Variants in BAHD1 observed in about 807,000 individuals in gnomAD.
The protein encoded by BAHD1 is bromo adjacent homology domain containing 1, also known as bromo adjacent homology domain-containing 1 protein.
A neutral mutation model predicts 63.1 loss-of-function variants in BAHD1; 20 were observed. The ratio of observed to expected loss-of-function variants is 0.32; its 90% CI spans 0.22 to 0.46. The LOEUF (loss-of-function observed/expected upper bound fraction) is 0.46. Among genes scored for constraint, BAHD1 ranks in the 20% least tolerant of loss-of-function variants. BAHD1 has a pLI of 1.00. For synonymous variants in BAHD1, 408 were observed against 426.8 expected (o/e 0.96, Z 0.54); for missense variants, 939 against 1,071.8 (o/e 0.88, Z 1.73).
In BAHD1 at chr15:40,449,582, T is replaced by G. The variant is rs540015707; in HGVS notation, c.-15+8314T>G. On this transcript the variant is annotated intron_variant, in intron 1 of 6. Coordinates refer to ENST00000416165, the MANE Select transcript of BAHD1 (RefSeq NM_014952.5). ...TGGGATGCTGAAATGGGAGGATCAC[T>G]TGAGGCTAGGACTTTGAGACCAGCC... Among the ~76,000 whole-genome samples, 6 of 151,966 alleles carry G rather than the reference T, an allele frequency of 3.9e-5. No homozygotes were observed. The East Asian group carries it at 1.2e-3, about 29-fold the overall frequency.
chr15:40,440,164 C>T (rs1193703139), upstream of BAHD1, among the ~76,000 whole-genome samples: 1 of 152,174 alleles, frequency 6.6e-6, no homozygotes, highest in East Asian at 1.9e-4. Context: ...GGGCTCCACA[C>T]TCTGCTTCTG....
chr15:40,466,245 G>T lies in BAHD1; in HGVS notation c.*115G>T. 1.9e-6 allele frequency: 2 copies of T among 1,025,832 alleles called. No homozygotes were observed. Among genetic ancestry groups the T allele is most frequent in the Non-Finnish European group, 2.7e-6 (2 of 730,746 alleles). The allele number at this position is 1,025,832 out of a possible 1,614,324, so 63.5% of individuals were successfully genotyped here. A position where few individuals can be genotyped will look rare whatever the true frequency, so the allele number is the denominator to read the frequency against. The stretch of plus-strand genomic sequence containing the variant: ...CACAGAGGCCTAAGTTTGCTGGCCT[G>T]TGGTTTTCTTGGGGGGGAGGGCAGG... On this transcript the variant is annotated 3_prime_UTR_variant, in exon 7 of 7. Coordinates refer to ENST00000416165, the MANE Select transcript of BAHD1 (RefSeq NM_014952.5).
Position 40,459,419 on chromosome 15 carries a change from G to C in BAHD1, c.955G>C (p.Gly319Arg). The C allele has an allele frequency of 6.2e-7, 1 of 1,613,318 alleles. No homozygotes were observed. The highest frequency in any genetic ancestry group is 8.5e-7 in the Non-Finnish European group (1 of 1,179,918). Residue 319 changes from glycine to arginine, a missense_variant, in exon 2 of 7, where the codon GGT (glycine) becomes CGT (arginine). By Grantham distance (125) the Gly-to-Arg change is moderately radical. Coordinates refer to ENST00000416165, the MANE Select transcript of BAHD1 (RefSeq NM_014952.5). ...GLRPHLPLLM[G>R]GQAALKPEPG... is the part of the protein sequence containing the mutation. ...GCGCCCTCACCTGCCCCTGCTGATG[G>C]GTGGACAGGCGGCTCTGAAGCCGGA...
At chr15:40,449,686 GTAGTCCCAAC>G (rs1893646859) in intron 1 of BAHD1, among the ~76,000 whole-genome samples, 1 of 151,982 alleles carries the variant, frequency 6.6e-6, no homozygotes, top group Middle Eastern at 3.2e-3. Flanking sequence ...GTGTAGGCCT[GTAGTCCCAAC>G]TACTCGGGAG....
intron 6 of BAHD1, among the ~76,000 whole-genome samples, chr15:40,465,703 T>G (rs1234459402): frequency 6.6e-6 from 1 of 152,202 alleles, no homozygotes. Context: ...GGAAAAAATT[T>G]AGGCGAATTG....
intron 6 of BAHD1, 81 bp from the exon 7 acceptor site, chr15:40,465,855 TGGGTC>T (rs1894184076): frequency 2.2e-6 from 3 of 1,393,248 alleles, no homozygotes; most frequent in Non-Finnish European, 2.9e-6. Flanking sequence ...CCTAGCTCTC[TGGGTC>T]GGGTAGGGTA....
chr15:40,462,020 C>T lies in BAHD1; in HGVS notation c.1541C>T (p.Ala514Val), dbSNP rs1244732303. ...TGCCCTGTACCCAGTGTGCCACCTGCAGCAGAGCCCGTCCCCCATCTTCAG... is the reference window on the plus strand; with the variant it reads ...TGCCCTGTACCCAGTGTGCCACCTGTAGCAGAGCCCGTCCCCCATCTTCAG... The part of the protein sequence containing the change: ...LGCPVPSVPP[A>V]AEPVPHLQTP... The change falls in exon 3 of 7, where the codon GCA becomes GTA. Residue 514 changes from alanine to valine, a missense_variant. By Grantham distance (64) the Ala-to-Val change is moderately conservative. Coordinates refer to ENST00000416165, the MANE Select transcript of BAHD1 (RefSeq NM_014952.5). The T allele has an allele frequency of 1.2e-6, 2 of 1,613,926 alleles. No individual in the cohort carries two copies. The highest frequency in any genetic ancestry group is 8.5e-7 in the Non-Finnish European group (1 of 1,180,026).
At chr15:40,464,835 G>GCAAC (rs1894154130) in intron 5 of BAHD1, 5 of 485,734 alleles carry the variant, frequency 1.0e-5, no homozygotes, top group Admixed American at 3.4e-5. Context: ...TGTTCCCCTG[G>GCAAC]AAACAGGAAA....
chr15:40,445,256 TAA>T (rs397937880), intron 1 of BAHD1, among the ~76,000 whole-genome samples: 26 of 113,690 alleles, frequency 2.3e-4, no homozygotes, highest in Admixed American at 3.7e-4. Context: ...TCCTTTTGGG[TAA>T]AAAAAAAAAA....
chr15:40,451,707 G>T (rs918136105), intron 1 of BAHD1, among the ~76,000 whole-genome samples: 7 of 152,240 alleles, frequency 4.6e-5, no homozygotes, highest in Admixed American at 4.6e-4. Flanking sequence ...CTGTGGGGGG[G>T]CCAGCAAATG....
At position 40,465,440 on chromosome 15, in the gene BAHD1, G is replaced by A; in HGVS notation, c.2153+5G>A. The A allele has an allele frequency of 6.2e-7, 1 of 1,610,166 alleles. No homozygotes were observed. The highest frequency in any genetic ancestry group is 8.5e-7 in the Non-Finnish European group (1 of 1,176,392). On this transcript the variant is annotated splice_donor_5th_base_variant and intron_variant, in intron 6 of 6. Transcript: ENST00000416165. ...GACTTTTGCCGAGTACTGCAGGTAG[G>A]TGGTTCCCTGCACCCTCTGGCTGGC...
intron 5 of BAHD1, 32 bp downstream of exon 5, chr15:40,464,579 C>A: frequency 6.3e-7 from 1 of 1,575,906 alleles, no homozygotes; most frequent in South Asian, 1.1e-5. Flanking sequence ...TCAGGGAGGG[C>A]AGGAGAGACA....
chr15:40,455,900 C>T (rs1473509328), intron 1 of BAHD1, among the ~76,000 whole-genome samples: 2 of 152,222 alleles, frequency 1.3e-5, no homozygotes, highest in Admixed American at 6.5e-5. Context: ...TTGCATGCTC[C>T]TCCACCTCCA....
At position 40,459,451 on chromosome 15, in the gene BAHD1, G is replaced by C. The variant is rs367796065; in HGVS notation, c.987G>C (p.Gly329=). Residue 329 remains glycine (G), a synonymous_variant, in exon 2 of 7, where the codon GGG becomes GGC. Coordinates refer to ENST00000416165, the MANE Select transcript of BAHD1 (RefSeq NM_014952.5). ...GGQAALKPEP[G]RPGEESPAPK... Reference sequence around the variant, plus strand: ...AGGCGGCTCTGAAGCCGGAGCCTGGGCGCCCAGGCGAGGAGTCACCTGCCC... The same window carrying C: ...AGGCGGCTCTGAAGCCGGAGCCTGGCCGCCCAGGCGAGGAGTCACCTGCCC... 4.3e-6 allele frequency: 7 copies of C among 1,613,488 alleles called. No homozygotes were observed. The African/African-American group carries it at 9.3e-5, about 22-fold the overall frequency.
chr15:40,464,332 C>G (rs986586922), intron 4 of BAHD1, 139 bp from the exon 5 acceptor site: 22 of 746,908 alleles, frequency 2.9e-5, no homozygotes, highest in Non-Finnish European at 4.5e-5. Flanking sequence ...GAATGCTTGG[C>G]CTGGGGCAGG....
Position 40,462,049 on chromosome 15 carries a change from C to T in BAHD1, c.1570C>T (p.Pro524Ser). The T allele has an allele frequency of 6.2e-7, 1 of 1,613,848 alleles. No homozygotes were observed. The highest frequency in any genetic ancestry group is 8.5e-7 in the Non-Finnish European group (1 of 1,180,036). The stretch of plus-strand genomic sequence containing the variant: ...AGAGCCCGTCCCCCATCTTCAGACA[C>T]CCACCTCGGAGCCCCAGACAGTAGC... ...AAEPVPHLQT[P>S]TSEPQTVARA... Residue 524 changes from proline (P) to serine (S), a missense_variant, in exon 3 of 7, where the codon CCC (proline) becomes TCC (serine). By Grantham distance (74) the Pro-to-Ser change is moderately conservative. Around this residue, in one of 5 missense-constraint regions of BAHD1, gnomAD observed 797 missense variants for 813.3 expected, o/e 0.98. Transcript: ENST00000416165.
At chr15:40,452,413 C>T (rs1002125482) in intron 1 of BAHD1, among the ~76,000 whole-genome samples, 2 of 152,242 alleles carry the variant, frequency 1.3e-5, no homozygotes, top group Non-Finnish European at 2.9e-5. Context: ...TCTGACCTCA[C>T]GTTGTGGGTC....
chr15:40,449,538 G>A (rs1893642934), intron 1 of BAHD1, among the ~76,000 whole-genome samples: 1 of 152,142 alleles, frequency 6.6e-6, no homozygotes, highest in Non-Finnish European at 1.5e-5. Flanking sequence ...GGTGACTCAT[G>A]CCTGTAATCC....
intron 4 of BAHD1, 182 bp from the exon 5 acceptor site, chr15:40,464,289 C>T: frequency 1.5e-6 from 1 of 656,604 alleles, no homozygotes; most frequent in Non-Finnish European, 2.6e-6. Flanking sequence ...TCTCCCCCTT[C>T]TCCCTCCATG....
Sources: gnomAD v4.1 joint callset for allele counts (sites outside exome capture counted in the v4.1 genomes callset) on GRCh38, gnomAD v4.1.1 for gene constraint, gnomAD v4.1.1 regional missense constraint, MANE v1.5 for transcripts, NCBI Gene and HGNC (gene_info 2026-07-23, HGNC 2026-07-21) for gene names.